The following ZC4H2 variants were observed in gnomAD, a reference collection of about 807,000 sequenced individuals.
The protein encoded by ZC4H2 is zinc finger C4H2-type containing.
For synonymous variants in ZC4H2, 84 were observed against 66.3 expected, an observed-to-expected ratio of 1.27 and a Z score of -1.30; for missense variants, 137 against 173.9, an observed-to-expected ratio of 0.79 and a Z score of 1.19.
At chrX:64,950,667 C>T (rs1930763201) in intron 1 of ZC4H2, among the ~76,000 whole-genome samples, 1 of 110,915 alleles carries the variant, frequency 9.0e-6, no homozygotes, top group Non-Finnish European at 1.9e-5. Flanking sequence ...ACTAGGATTG[C>T]AATCCCCACC....
At chrX:64,918,500 C>T (rs988747606) in intron 4 of ZC4H2, 3 of 113,606 alleles carry the variant, frequency 2.6e-5, no homozygotes, top group Non-Finnish European at 5.5e-5. Context: ...TTGATTAGGA[C>T]CCAGGCTCTG....
chrX:64,946,755 A>G (rs911374072), intron 1 of ZC4H2, among the ~76,000 whole-genome samples: 1 of 111,934 alleles, frequency 8.9e-6, no homozygotes, highest in African/African-American at 3.2e-5. Context: ...TTCACAGCAC[A>G]GGTAATGTGC....
rs5918903 is a variant in ZC4H2, at chrX:64,948,408, T to G, written c.54-26420A>C. Among the ~76,000 whole-genome samples, 178 of 111,810 alleles carry G rather than the reference T, an allele frequency of 1.6e-3. 1 individual carries two copies. The highest frequency in any genetic ancestry group is 4.6e-3 in the Middle Eastern group (1 of 218). On this transcript the variant is annotated intron_variant, in intron 1 of 4. Transcript: ENST00000374839. ...ATGAGGATTTTTACGTTCTACCCCT[T>G]TGTTTCACATTTTTTTTTGTGCACA... is the stretch of plus-strand genomic sequence containing the variant.
chrX:64,941,249 C>T lies in ZC4H2; in HGVS notation c.54-19261G>A, dbSNP rs147778472. 2.1e-4 allele frequency among the ~76,000 whole-genome samples: 24 copies of T among 112,065 alleles called. No homozygotes were observed. The East Asian group carries it at 6.7e-3, about 31-fold the overall frequency. ...TGATTTTTGCACATTGATTTTCTAT[C>T]CTGAGACTTTGCTAAAGTTGCTTAT... On this transcript the variant is annotated intron_variant, in intron 1 of 4. Transcript: ENST00000374839.
intron 1 of ZC4H2, among the ~76,000 whole-genome samples, chrX:64,968,271 G>C (rs1346645239): frequency 1.8e-5 from 2 of 111,770 alleles, no homozygotes; most frequent in African/African-American, 3.3e-5. Context: ...GCTGAGAGAA[G>C]TAAAGTGACT....
upstream of ZC4H2, among the ~76,000 whole-genome samples, chrX:64,979,930 G>C (rs1341277183): frequency 8.9e-6 from 1 of 111,746 alleles, no homozygotes; most frequent in Admixed American, 9.5e-5. Flanking sequence ...AGGGAAGCCA[G>C]TCAGTCTCGA....
In ZC4H2 at chrX:64,916,365, G is replaced by C. The variant is rs1269809304; in HGVS notation, c.*1418C>G. 1 of 111,459 alleles carries C rather than the reference G, an allele frequency of 9.0e-6. No homozygotes were observed. The highest frequency in any genetic ancestry group is 3.3e-5 in the African/African-American group (1 of 30,612). The allele number at this position is 111,459 out of a possible 1,213,427, so 9.2% of individuals were successfully genotyped here. On this transcript the variant is annotated 3_prime_UTR_variant, in exon 5 of 5. Coordinates refer to ENST00000374839, the MANE Select transcript of ZC4H2 (RefSeq NM_018684.4). ...AGGTGGAATGAATAAGAGCAAACAA[G>C]AGCTACCCAGAAAGGTAAATGACAT...
rs182725101 is a variant in ZC4H2 at position 64,971,030 on chromosome X, C to A, written c.53+5295G>T. 8.6e-3 allele frequency among the ~76,000 whole-genome samples: 969 copies of A among 112,168 alleles called. 11 individuals carry two copies. Among genetic ancestry groups the A allele is most frequent in the Admixed American group, 0.044 (464 of 10,632 alleles). ...ACACATACACATATTTAAAACTAAA[C>A]AAAACCTTCTCCAAAGTATACCTAC... On this transcript the variant is annotated intron_variant, in intron 1 of 4. Coordinates refer to ENST00000374839, the MANE Select transcript of ZC4H2 (RefSeq NM_018684.4).
At chrX:64,964,016 C>T (rs886197783) in intron 1 of ZC4H2, among the ~76,000 whole-genome samples, 2 of 110,691 alleles carry the variant, frequency 1.8e-5, no homozygotes, top group Admixed American at 1.9e-4. Context: ...AGTAGAATGG[C>T]AGTTGCTAGG....
At chrX:65,002,021 T>C (rs1185781358) in intron 1 of ZC4H2, among the ~76,000 whole-genome samples, 2 of 111,128 alleles carry the variant, frequency 1.8e-5, no homozygotes, top group African/African-American at 6.6e-5. Context: ...CTGTCAATAT[T>C]AGACAGAGCA....
chrX:64,929,801 G>A (rs1183057393), intron 1 of ZC4H2, among the ~76,000 whole-genome samples: 1 of 111,958 alleles, frequency 8.9e-6, no homozygotes, highest in Non-Finnish European at 1.9e-5. Context: ...GTCGGGAAAT[G>A]TGATGCTTCC....
At chrX:64,924,627 G>A (rs1480437888) in intron 1 of ZC4H2, among the ~76,000 whole-genome samples, 3 of 111,941 alleles carry the variant, frequency 2.7e-5, no homozygotes. Flanking sequence ...CCTGAGAACT[G>A]AGGATGTGAA....
At chrX:65,022,185 C>T (rs1932841557) in intron 1 of ZC4H2, among the ~76,000 whole-genome samples, 1 of 111,751 alleles carries the variant, frequency 8.9e-6, no homozygotes, top group African/African-American at 3.3e-5. Flanking sequence ...GTGAGGCCAG[C>T]ATCATCCTGA....
At chrX:64,918,681 T>A (rs1349810992) in intron 4 of ZC4H2, 1 of 144,579 alleles carries the variant, frequency 6.9e-6, no homozygotes, top group African/African-American at 3.1e-5. Context: ...CTTTCTTGAC[T>A]ATATAGATAT....
At chrX:64,950,302 T>C (rs898158147) in intron 1 of ZC4H2, among the ~76,000 whole-genome samples, 1 of 111,864 alleles carries the variant, frequency 8.9e-6, no homozygotes, top group East Asian at 2.8e-4. Flanking sequence ...TGCGGTGTGG[T>C]GCTGAGAAGA....
intron 1 of ZC4H2, among the ~76,000 whole-genome samples, chrX:64,950,293 G>A (rs1930736747): frequency 8.9e-6 from 1 of 111,785 alleles, no homozygotes; most frequent in Non-Finnish European, 1.9e-5. Context: ...TGGAATAAGT[G>A]CGGTGTGGTG....
At chrX:65,016,126 T>G (rs1932795815) in intron 1 of ZC4H2, among the ~76,000 whole-genome samples, 1 of 111,968 alleles carries the variant, frequency 8.9e-6, no homozygotes, top group Non-Finnish European at 1.9e-5. Flanking sequence ...ATTGCCTTCC[T>G]AATACCCATT....
intron 1 of ZC4H2, among the ~76,000 whole-genome samples, chrX:65,004,348 C>T (rs1395644503): frequency 8.9e-6 from 1 of 111,881 alleles, no homozygotes; most frequent in Admixed American, 9.5e-5. Context: ...TACTGAAAAA[C>T]CGAATCCAGA....
chrX:65,030,711 C>G (rs1293577878), intron 1 of ZC4H2, among the ~76,000 whole-genome samples: 1 of 111,084 alleles, frequency 9.0e-6, no homozygotes, highest in Non-Finnish European at 1.9e-5. Flanking sequence ...TTCTTCTCAA[C>G]TAAGCTTGGC....
Sources: gnomAD v4.1 joint callset for allele counts (sites outside exome capture counted in the v4.1 genomes callset) on GRCh38, gnomAD v4.1.1 for gene constraint, MANE v1.5 for transcripts, NCBI Gene and HGNC (gene_info 2026-07-23, HGNC 2026-07-21) for gene names.